Variants in TMEM132B observed in about 807,000 individuals in gnomAD.
The protein encoded by TMEM132B is transmembrane protein 132B.
In TMEM132B, 18 loss-of-function variants were observed where a neutral mutation model predicts 90.8. The observed-to-expected ratio is 0.20, with a 90% CI of 0.14 to 0.29. The LOEUF (loss-of-function observed/expected upper bound fraction) is 0.29, where lower values mean the gene tolerates loss of function less well. TMEM132B is among the 10% of genes least tolerant of loss of function. The pLI, the probability that TMEM132B is intolerant of heterozygous loss-of-function variation, is 1.00. For synonymous variants in TMEM132B, 504 were observed against 523.3 expected (o/e 0.96, Z 0.50); for missense variants, 1,096 against 1,326.8 (o/e 0.83, Z 2.70).
intron 1 of TMEM132B, among the ~76,000 whole-genome samples, chr12:125,231,893 C>CG (rs398021524): frequency 9.2e-4 from 139 of 151,888 alleles, no homozygotes; most frequent in African/African-American, 3.3e-3. Flanking sequence ...GTCCCCCCCC[C>CG]ACCAAAACTC....
At chr12:125,547,060 G>A (rs1233802990) in intron 4 of TMEM132B, among the ~76,000 whole-genome samples, 4 of 152,152 alleles carry the variant, frequency 2.6e-5, no homozygotes, top group Admixed American at 2.0e-4. Context: ...ACAGGACGGG[G>A]GAAACTGCCC....
intron 1 of TMEM132B, among the ~76,000 whole-genome samples, chr12:125,278,374 C>G (rs1422574977): frequency 1.3e-5 from 2 of 151,954 alleles, no homozygotes; most frequent in Non-Finnish European, 2.9e-5. Flanking sequence ...TGTGAATTCT[C>G]CTTGTTTTTA....
Position 125,407,332 on chromosome 12 carries a change from C to A in TMEM132B, c.960-8199C>A, listed in dbSNP as rs1013850686. Among the ~76,000 whole-genome samples, 2 of 152,230 alleles carry A rather than the reference C, an allele frequency of 1.3e-5. No individual in the cohort carries two copies. Among genetic ancestry groups the A allele is most frequent in the Admixed American group, 6.5e-5 (1 of 15,292 alleles). On this transcript the variant is annotated intron_variant, in intron 2 of 8. Transcript: ENST00000682704. This position sits in a 1 kb window ranked among gnomAD's most constrained non-coding sequence, Gnocchi z 6.7. ...ACTGCCCACCCACTATGTAGACAAC[C>A]AAACAAACCCAAAACCCTGTAGAGT...
intron 1 of TMEM132B, among the ~76,000 whole-genome samples, chr12:125,260,911 GTC>G (rs1463866656): frequency 1.5e-5 from 2 of 131,088 alleles, no homozygotes; most frequent in African/African-American, 3.1e-5. Context: ...GCGAGACCCT[GTC>G]TCTACAGATT....
chr12:125,273,534 C>A (rs892615145), intron 1 of TMEM132B, among the ~76,000 whole-genome samples: 5 of 152,138 alleles, frequency 3.3e-5, no homozygotes, highest in African/African-American at 1.2e-4. Context: ...ATGCAGTGAT[C>A]CGTGATCAAA....
chr12:125,516,327 A>G (rs1249032233), intron 3 of TMEM132B, among the ~76,000 whole-genome samples: 1 of 152,244 alleles, frequency 6.6e-6, no homozygotes, highest in Non-Finnish European at 1.5e-5. Context: ...GATATTTGAA[A>G]GGCTTATCAA....
intron 3 of TMEM132B, among the ~76,000 whole-genome samples, chr12:125,494,415 C>T (rs1359604473): frequency 7.4e-5 from 10 of 134,530 alleles, no homozygotes; most frequent in African/African-American, 1.4e-4. Flanking sequence ...ATGCCTCCTC[C>T]CCCTCCTCCC....
At chr12:125,430,201 C>G (rs1006881553) in intron 3 of TMEM132B, among the ~76,000 whole-genome samples, 1 of 152,114 alleles carries the variant, frequency 6.6e-6, no homozygotes, top group Non-Finnish European at 1.5e-5. Flanking sequence ...GCACACCTGC[C>G]CTCTTGTAAA....
At position 125,603,530 on chromosome 12, in the gene TMEM132B, CAT is replaced by C. The variant is rs1459048045; in HGVS notation, c.1437+19538_1437+19539del. On this transcript the variant is annotated intron_variant, in intron 5 of 8. Coordinates refer to ENST00000682704, the MANE Select transcript of TMEM132B (RefSeq NM_001366854.1). ...AAAACCTAGGCAATACCATTCAGGA[CAT>C]AGGTATGGGCAAAGACTTCATGATG... 2.0e-5 allele frequency among the ~76,000 whole-genome samples: 3 copies of C among 152,180 alleles called. 1 individual carries two copies. The East Asian group carries it at 5.8e-4, about 29-fold the overall frequency.
At position 125,443,310 on chromosome 12, in the gene TMEM132B, T is replaced by C. The variant is rs116059101; in HGVS notation, c.1106+27633T>C. Among the ~76,000 whole-genome samples the C allele has an allele frequency of 5.3e-3, 812 of 152,274 alleles. 9 individuals carry two copies. Among genetic ancestry groups the C allele is most frequent in the African/African-American group, 0.018 (741 of 41,534 alleles). ...ACTATTGAGGGGAGAAGAGGGCCAGTTGTAATTTTCAGGTCCTTAAATGAA... is the reference window on the plus strand; with the variant it reads ...ACTATTGAGGGGAGAAGAGGGCCAGCTGTAATTTTCAGGTCCTTAAATGAA... On this transcript the variant is annotated intron_variant, in intron 3 of 8. Transcript: ENST00000682704.
At chr12:125,243,983 C>T (rs574020193) in intron 1 of TMEM132B, among the ~76,000 whole-genome samples, 34 of 152,208 alleles carry the variant, frequency 2.2e-4, no homozygotes, top group South Asian at 2.1e-4. Flanking sequence ...TTTGCCTATT[C>T]GGGACATTTC....
chr12:125,474,053 T>TC (rs1566046984), intron 3 of TMEM132B, among the ~76,000 whole-genome samples: 1 of 130,732 alleles, frequency 7.6e-6, no homozygotes, highest in African/African-American at 3.0e-5. Flanking sequence ...CTTCCTTCTT[T>TC]CTTTTTCCTT....
chr12:125,354,509 A>G (rs1877704370), intron 2 of TMEM132B, among the ~76,000 whole-genome samples: 1 of 152,188 alleles, frequency 6.6e-6, no homozygotes, highest in South Asian at 2.1e-4. Flanking sequence ...TCACTCAGAT[A>G]TGTCACCCAT....
At chr12:125,644,430 A>G (rs542580573) in intron 6 of TMEM132B, 149 bp downstream of exon 6, 2 of 701,094 alleles carry the variant, frequency 2.9e-6, no homozygotes, top group African/African-American at 3.6e-5. Flanking sequence ...GATGGATCTG[A>G]CTTGAGTACT....
At chr12:125,313,523 C>A (rs1876170454) in intron 1 of TMEM132B, among the ~76,000 whole-genome samples, 1 of 97,544 alleles carries the variant, frequency 1.0e-5, no homozygotes, top group South Asian at 5.2e-4. Flanking sequence ...TCCTTCATTT[C>A]CCACCCCCTC....
At chr12:125,240,869 C>T (rs769417067) in intron 1 of TMEM132B, among the ~76,000 whole-genome samples, 7 of 152,178 alleles carry the variant, frequency 4.6e-5, no homozygotes, top group South Asian at 2.1e-4. Context: ...TCCAAAATGC[C>T]GGGCCCTCGT....
chr12:125,194,743 G>A (rs2136051829), intron 1 of TMEM132B, among the ~76,000 whole-genome samples: 1 of 144,464 alleles, frequency 6.9e-6, no homozygotes, highest in East Asian at 2.0e-4. Context: ...AGGTGGGAGG[G>A]CCGGGTGGGA....
At chr12:125,622,391 T>G in intron 5 of TMEM132B, 1 of 820,820 alleles carries the variant, frequency 1.2e-6, no homozygotes, top group Non-Finnish European at 1.5e-6. Flanking sequence ...TCTTTTAAAG[T>G]AAGAATCACA....
chr12:125,629,376 A>G (rs1886305068), intron 5 of TMEM132B, among the ~76,000 whole-genome samples: 1 of 152,030 alleles, frequency 6.6e-6, no homozygotes, highest in Non-Finnish European at 1.5e-5. Flanking sequence ...GTTAATTCCT[A>G]GGAATTTAAT....
Sources: allele counts gnomAD v4.1 joint callset (sites outside exome capture counted in the v4.1 genomes callset), GRCh38; gene constraint gnomAD v4.1.1; non-coding constraint Gnocchi (gnomAD v3.1); transcripts MANE v1.5; gene names NCBI Gene and HGNC (gene_info 2026-07-23, HGNC 2026-07-21).